SHISA7: variants seen among roughly 807,000 people sequenced by gnomAD.
SHISA7 encodes shisa family member 7, also known as protein shisa-7.
In SHISA7, 6 loss-of-function variants were observed where a neutral mutation model predicts 23.9. The observed-to-expected ratio is 0.25, with a 90% CI of 0.14 to 0.50. The LOEUF (loss-of-function observed/expected upper bound fraction) is 0.50, where lower values mean the gene tolerates loss of function less well. Among genes scored for constraint, SHISA7 ranks in the 20% least tolerant of loss-of-function variants. The pLI, the probability that SHISA7 is intolerant of heterozygous loss-of-function variation, is 0.98. For missense variants in SHISA7, 671 were observed against 801.1 expected, an observed-to-expected ratio of 0.84 and a Z score of 1.96; for synonymous variants, 386 against 398.3, an observed-to-expected ratio of 0.97 and a Z score of 0.37.
At chr19:55,435,319 GT>G (rs1985422903) in intron 3 of SHISA7, among the ~76,000 whole-genome samples, 5 of 124,924 alleles carry the variant, frequency 4.0e-5, no homozygotes, top group African/African-American at 1.2e-4. Flanking sequence ...TGGTGTGTGT[GT>G]GGGTGTGTGT....
chr19:55,434,133 A>G (rs191988521), intron 3 of SHISA7, among the ~76,000 whole-genome samples: 3 of 152,300 alleles, frequency 2.0e-5, no homozygotes, highest in South Asian at 2.1e-4. Context: ...TGTGAAGTTG[A>G]TTTTGCGGGT....
chr19:55,434,527 G>A lies in SHISA7; in HGVS notation c.977-731C>T, dbSNP rs569218949. On this transcript the variant is annotated intron_variant, in intron 3 of 3. Coordinates refer to ENST00000376325, the MANE Select transcript of SHISA7 (RefSeq NM_001145176.2). ...GTGTATGTGGTGTGTGTGTGGTTGT[G>A]TGGTGTGTGTGTGGTTGTGTGTGTA... 5.5e-5 allele frequency among the ~76,000 whole-genome samples: 7 copies of A among 127,988 alleles called. No individual in the cohort carries two copies. The East Asian group carries it at 1.9e-3, about 34-fold the overall frequency. 84.0% of individuals were successfully genotyped at this position (127,988 alleles called of 152,430 possible). A position where few individuals can be genotyped will look rare whatever the true frequency, so the allele number is the denominator to read the frequency against.
chr19:55,434,883 G>T (rs1245520340), intron 3 of SHISA7, among the ~76,000 whole-genome samples: 1 of 115,264 alleles, frequency 8.7e-6, no homozygotes, highest in Non-Finnish European at 1.8e-5. Context: ...TGGTGTGTGT[G>T]TATATGTGGT....
chr19:55,442,607 T>C lies in SHISA7; in HGVS notation c.257A>G (p.Tyr86Cys), dbSNP rs1248023062. 2 of 1,433,996 alleles carry C rather than the reference T, an allele frequency of 1.4e-6. No individual in the cohort carries two copies. The highest frequency in any genetic ancestry group is 1.5e-5 in the African/African-American group (1 of 66,160). 88.8% of individuals were successfully genotyped at this position (1,433,996 alleles called of 1,614,324 possible). ...PPPAELCHGYYDVMGQYDATF... is the reference protein window; with the variant it reads ...PPPAELCHGYCDVMGQYDATF... ...GGCGTCGTACTGGCCCATGACATCG[T>C]AGTAGCCGTGGCAGAGCTCGGCGGG... Residue 86 changes from tyrosine to cysteine, a missense_variant, in exon 1 of 4, where the codon TAC becomes TGC. Coordinates refer to ENST00000376325, the MANE Select transcript of SHISA7 (RefSeq NM_001145176.2).
At position 55,442,206 on chromosome 19, in the gene SHISA7, T is replaced by C; in HGVS notation, c.658A>G (p.Ile220Val). The C allele has an allele frequency of 6.5e-7, 1 of 1,532,952 alleles. No homozygotes were observed. Among genetic ancestry groups the C allele is most frequent in the Non-Finnish European group, 8.7e-7 (1 of 1,145,174 alleles). The allele number at this position is 1,532,952 out of a possible 1,614,324, so 95.0% of individuals were successfully genotyped here. ...ASRAPRAHRD[I>V]NVPRALVDIL... ...GAGCACACGCACCTGGGCACGTTGATATCCCGGTGCGCCCGGGGCGCACGG... is the reference window on the plus strand; with the variant it reads ...GAGCACACGCACCTGGGCACGTTGACATCCCGGTGCGCCCGGGGCGCACGG... The change falls in exon 1 of 4, where the codon ATC becomes GTC. Residue 220 changes from isoleucine to valine, a missense_variant. Physicochemically the swap from Ile to Val is conservative, Grantham distance 29. Around this residue, in one of 5 missense-constraint regions of SHISA7, gnomAD observed 457 missense variants for 488.3 expected, o/e 0.94. Transcript: ENST00000376325.
Position 55,432,832 on chromosome 19 carries a change from C to T in SHISA7, c.*324G>A, listed in dbSNP as rs749734355. 9.8e-5 allele frequency: 29 copies of T among 296,462 alleles called. No homozygotes were observed. Among genetic ancestry groups the T allele is most frequent in the Admixed American group, 1.6e-4 (3 of 18,688 alleles). 18.4% of individuals were successfully genotyped at this position (296,462 alleles called of 1,614,324 possible). On this transcript the variant is annotated 3_prime_UTR_variant, in exon 4 of 4. Transcript: ENST00000376325. The surrounding 1 kb of genome is among the most constrained non-coding windows in gnomAD (Gnocchi z 4.6). ...GGCCTCCAGCGCTGACCTCACGGGC[C>T]GGCCTCTTCCTCTGTGATGACCTCA...
chr19:55,441,996 G>A (rs1036564936), intron 1 of SHISA7, among the ~76,000 whole-genome samples, 197 bp downstream of exon 1: 1 of 152,186 alleles, frequency 6.6e-6, no homozygotes, highest in African/African-American at 2.4e-5. Context: ...CCCTCTCCCT[G>A]CATCACTCCG....
At chr19:55,437,533 C>T (rs891333079) in intron 3 of SHISA7, 72 bp downstream of exon 3, 28 of 1,493,082 alleles carry the variant, frequency 1.9e-5, no homozygotes, top group Non-Finnish European at 2.1e-5. Context: ...GGGCCACTGT[C>T]CACGGTCCTG....
intron 3 of SHISA7, among the ~76,000 whole-genome samples, chr19:55,434,646 GTA>G (rs1247857477): frequency 2.5e-5 from 2 of 79,664 alleles, no homozygotes; most frequent in African/African-American, 4.1e-5. Context: ...GTGGTTGTGT[GTA>G]TGGTGTGTGT....
At position 55,430,750 on chromosome 19, in the gene SHISA7, G is replaced by A. The variant is rs1239504509; in HGVS notation, c.*2406C>T. On this transcript the variant is annotated 3_prime_UTR_variant, in exon 4 of 4. Transcript: ENST00000376325. ...CTGGACCTCATGGATCACGGATGAT[G>A]ACACCAGGGTTATGGCGGATCCTAG... 1 of 150,532 alleles carries A rather than the reference G, an allele frequency of 6.6e-6. No homozygotes were observed. The highest frequency in any genetic ancestry group is 2.5e-5 in the African/African-American group (1 of 40,688). 9.3% of individuals were successfully genotyped at this position (150,532 alleles called of 1,614,324 possible). A position where few individuals can be genotyped will look rare whatever the true frequency, so the allele number is the denominator to read the frequency against.
Position 55,442,510 on chromosome 19 carries a change from G to A in SHISA7, c.354C>T (p.His118=). ...GTCHYRFCCE[H]RHMRLAQASC... is the part of the protein sequence containing the mutation. ...AGGCCTGCGCCAGGCGCATGTGACG[G>A]TGCTCACAGCAGAAGCGGTAGTGGC... is the stretch of plus-strand genomic sequence containing the variant. Residue 118 remains histidine, a synonymous_variant, in exon 1 of 4, where the codon CAC becomes CAT. Transcript: ENST00000376325. 2 of 1,477,436 alleles carry A rather than the reference G, an allele frequency of 1.4e-6. No homozygotes were observed. Among genetic ancestry groups the A allele is most frequent in the Non-Finnish European group, 1.8e-6 (2 of 1,110,912 alleles). The allele number at this position is 1,477,436 out of a possible 1,614,324, so 91.5% of individuals were successfully genotyped here. A position where few individuals can be genotyped will look rare whatever the true frequency, so the allele number is the denominator to read the frequency against.
chr19:55,433,275 T>G lies in SHISA7; in HGVS notation c.1498A>C (p.Thr500Pro), dbSNP rs1302774980. Residue 500 changes from threonine (T) to proline (P), a missense_variant, in exon 4 of 4, where the codon ACA becomes CCA. Transcript: ENST00000376325. The surrounding 1 kb of genome is among the most constrained non-coding windows in gnomAD (Gnocchi z 8.4). ...WMSDAGGGGGTLARRPPFQRQ... is the reference protein window; with the variant it reads ...WMSDAGGGGGPLARRPPFQRQ... ...TGGAAGGGCGGCCTGCGGGCCAGTG[T>G]GCCCCCGCCCCCGCCGGCGTCGGAC... The G allele has an allele frequency of 7.9e-5, 119 of 1,512,032 alleles. No individual in the cohort carries two copies. The highest frequency in any genetic ancestry group is 1.0e-4 in the Non-Finnish European group (117 of 1,137,054). The allele number at this position is 1,512,032 out of a possible 1,614,324, so 93.7% of individuals were successfully genotyped here. A position where few individuals can be genotyped will look rare whatever the true frequency, so the allele number is the denominator to read the frequency against.
At chr19:55,438,702 G>T in intron 2 of SHISA7, 1 of 1,208,786 alleles carries the variant, frequency 8.3e-7, no homozygotes, top group Non-Finnish European at 1.1e-6. Flanking sequence ...TGATCTCTGG[G>T]AAGGACTCTG....
At chr19:55,435,237 CGTGT>C (rs1430086674) in intron 3 of SHISA7, among the ~76,000 whole-genome samples, 2 of 45,508 alleles carry the variant, frequency 4.4e-5, no homozygotes, top group African/African-American at 2.3e-4. Flanking sequence ...TGTGTGTGTG[CGTGT>C]GTGCGTGTGT....
At position 55,431,828 on chromosome 19, in the gene SHISA7, C is replaced by T. The variant is rs973644526; in HGVS notation, c.*1328G>A. 1.3e-5 allele frequency: 2 copies of T among 152,152 alleles called. No individual in the cohort carries two copies. The highest frequency in any genetic ancestry group is 2.9e-5 in the Non-Finnish European group (2 of 68,040). The allele number at this position is 152,152 out of a possible 1,614,324, so 9.4% of individuals were successfully genotyped here. On this transcript the variant is annotated 3_prime_UTR_variant, in exon 4 of 4. Transcript: ENST00000376325. ...CAGGATCCTGGTGATCCAGAGTGGC[C>T]TCCTGGGAGCAGAAGGCCATCTGGA...
rs1243251648 is a variant in SHISA7, at chr19:55,435,331, GGT to G, written c.977-1537_977-1536del. On this transcript the variant is annotated intron_variant, in intron 3 of 3. Coordinates refer to ENST00000376325, the MANE Select transcript of SHISA7 (RefSeq NM_001145176.2). Reference sequence around the variant, plus strand: ...ATGTGGTGTGTGTGTGGGTGTGTGTGGTGTGTGTGTATGGTGTGTATGGTGTG... The same window carrying G: ...ATGTGGTGTGTGTGTGGGTGTGTGTGGTGTGTGTATGGTGTGTATGGTGTG... Among the ~76,000 whole-genome samples, 85 of 123,468 alleles carry G rather than the reference GGT, an allele frequency of 6.9e-4. 1 individual carries two copies. The highest frequency in any genetic ancestry group is 2.6e-3 in the Admixed American group (30 of 11,728). The allele number at this position is 123,468 out of a possible 152,430, so 81.0% of individuals were successfully genotyped here.
In SHISA7 at chr19:55,440,659, G is replaced by A. The variant is rs1985577465; in HGVS notation, c.778C>T (p.Pro260Ser). The change falls in exon 2 of 4, where the codon CCC becomes TCC. Residue 260 changes from proline to serine, a missense_variant. Physicochemically the swap from Pro to Ser is moderately conservative, Grantham distance 74. This residue lies in a region of SHISA7 where 457 missense variants were observed against 488.3 expected (regional missense o/e 0.94). Transcript: ENST00000376325. ...PGIGGPDSMP[P>S]RTPKNLYNTV... is the part of the protein sequence containing the mutation. Reference sequence around the variant, plus strand: ...TTGTAGAGGTTCTTGGGCGTCCTGGGGGGCATGCTGTCGGGACCGCCGATC... The same window carrying A: ...TTGTAGAGGTTCTTGGGCGTCCTGGAGGGCATGCTGTCGGGACCGCCGATC... 1.6e-6 allele frequency: 2 copies of A among 1,249,820 alleles called. No individual in the cohort carries two copies. The highest frequency in any genetic ancestry group is 2.0e-6 in the Non-Finnish European group (2 of 988,276). The allele number at this position is 1,249,820 out of a possible 1,614,324, so 77.4% of individuals were successfully genotyped here. A position where few individuals can be genotyped will look rare whatever the true frequency, so the allele number is the denominator to read the frequency against.
chr19:55,433,441 C>T lies in SHISA7; in HGVS notation c.1332G>A (p.Arg444=). 1 of 1,336,746 alleles carries T rather than the reference C, an allele frequency of 7.5e-7. No homozygotes were observed. The highest frequency in any genetic ancestry group is 9.5e-7 in the Non-Finnish European group (1 of 1,052,132). 82.8% of individuals were successfully genotyped at this position (1,336,746 alleles called of 1,614,324 possible). Residue 444 remains arginine (R), a synonymous_variant, in exon 4 of 4, where the codon CGG becomes CGA. Transcript: ENST00000376325. The surrounding 1 kb of genome is among the most constrained non-coding windows in gnomAD (Gnocchi z 8.4). Reference sequence around the variant, plus strand: ...TGGAGTGCGAGGCGGCCAGGCTGGCCCGGGCGGTGGGGTCGGGGGGCAGCG... The same window carrying T: ...TGGAGTGCGAGGCGGCCAGGCTGGCTCGGGCGGTGGGGTCGGGGGGCAGCG... ...SPALPPDPTA[R]ASLAASHSNL... is the part of the protein sequence containing the mutation.
At chr19:55,440,833 T>C in intron 1 of SHISA7, 68 bp from the exon 2 acceptor site, 1 of 1,217,330 alleles carries the variant, frequency 8.2e-7, no homozygotes, top group Non-Finnish European at 1.0e-6. Context: ...GGAAGGCTTC[T>C]TTCCGCTCCC....
Sources: gnomAD v4.1 joint callset for allele counts (sites outside exome capture counted in the v4.1 genomes callset) on GRCh38, gnomAD v4.1.1 for gene constraint, gnomAD v4.1.1 regional missense constraint, Gnocchi (gnomAD v3.1) non-coding constraint, MANE v1.5 for transcripts, NCBI Gene and HGNC (gene_info 2026-07-23, HGNC 2026-07-21) for gene names.